HUWE1: variants seen among roughly 807,000 people sequenced by gnomAD.
The protein encoded by HUWE1 is HECT, UBA and WWE domain containing E3 ubiquitin protein ligase 1.
Under a neutral mutation model 299.4 loss-of-function variants are expected in HUWE1, and 18 were observed. The ratio of observed to expected loss-of-function variants is 0.06; its 90% CI spans 0.04 to 0.09. The LOEUF (loss-of-function observed/expected upper bound fraction) is 0.09. HUWE1 is among the 10% of genes least tolerant of loss of function. The pLI is 1.00. For synonymous variants in HUWE1, 1,317 were observed against 1,286.1 expected (o/e 1.02, Z -0.51); for missense variants, 1,832 against 3,462.3 (o/e 0.53, Z 11.82).
intron 63 of HUWE1, among the ~76,000 whole-genome samples, chrX:53,551,788 C>T (rs1404280588): frequency 1.8e-5 from 2 of 111,796 alleles, no homozygotes; most frequent in African/African-American, 3.3e-5. Flanking sequence ...TTCAGGATTA[C>T]AGGCACGAGC....
Position 53,548,054 on chromosome X carries a change from C to A in HUWE1, c.10255G>T (p.Gly3419Trp), listed in dbSNP as rs1556924813. 1.7e-6 allele frequency: 2 copies of A among 1,210,068 alleles called. No individual in the cohort carries two copies. Among genetic ancestry groups the A allele is most frequent in the East Asian group, 3.0e-5 (1 of 33,779 alleles). ...TCGAGGCTGTATGGAGAGGTTTCCC[C>A]CTCACCGCCAGCGCTCACTGGCACT... ...KSVPVSAGGE[G>W]ETSPYSLEAS... The change falls in exon 68 of 84, where the codon GGG becomes TGG. Residue 3419 changes from glycine (G) to tryptophan (W), a missense_variant. Gly to Trp is a radical substitution (Grantham distance 184, BLOSUM62 -2). Around this residue, in one of 15 missense-constraint regions of HUWE1, gnomAD observed 119 missense variants for 124.6 expected, o/e 0.96. Transcript: ENST00000262854.
At chrX:53,626,659 T>C (rs1333482875) in intron 17 of HUWE1, among the ~76,000 whole-genome samples, 4 of 111,829 alleles carry the variant, frequency 3.6e-5, no homozygotes, top group African/African-American at 9.8e-5. Context: ...TAACTGAGTA[T>C]AAGATACACA....
intron 4 of HUWE1, among the ~76,000 whole-genome samples, 167 bp downstream of exon 4, chrX:53,653,896 C>T (rs977179831): frequency 4.5e-4 from 50 of 111,705 alleles, no homozygotes; most frequent in Middle Eastern, 9.1e-3. Flanking sequence ...TTTTTTTGAT[C>T]CAGGGAAGTT....
chrX:53,584,656 A>G (rs1194250606), intron 40 of HUWE1, among the ~76,000 whole-genome samples: 1 of 111,804 alleles, frequency 8.9e-6, no homozygotes, highest in Non-Finnish European at 1.9e-5. Flanking sequence ...CCAAGGTCTA[A>G]TCAATGACCT....
rs2068627108 is a variant in HUWE1, at chrX:53,653,986, A to C, written c.45+77T>G. 6 of 692,995 alleles carry C rather than the reference A, an allele frequency of 8.7e-6. No homozygotes were observed. The Admixed American group carries it at 1.6e-4, about 18-fold the overall frequency. The allele number at this position is 692,995 out of a possible 1,213,427, so 57.1% of individuals were successfully genotyped here. ...ATATGGGTGATGAGATTTGAAGAGC[A>C]TGGATGAACTGTTCACAAATATTTT... is the stretch of plus-strand genomic sequence containing the variant. On this transcript the variant is annotated intron_variant, in intron 4 of 83. Transcript: ENST00000262854.
intron 2 of HUWE1, chrX:53,684,255 C>G (rs1013639320): frequency 3.1e-5 from 5 of 163,745 alleles, no homozygotes; most frequent in Non-Finnish European, 5.9e-5. Flanking sequence ...CTTAATTCAC[C>G]GCAGGATGCC....
At chrX:53,665,934 T>C (rs1557047364) in intron 3 of HUWE1, among the ~76,000 whole-genome samples, 1 of 111,070 alleles carries the variant, frequency 9.0e-6, no homozygotes, top group Non-Finnish European at 1.9e-5. Flanking sequence ...GAGGATCACT[T>C]GAGGCCAGGA....
intron 26 of HUWE1, 54 bp from the exon 27 acceptor site, chrX:53,603,555 T>A: frequency 1.0e-6 from 1 of 979,346 alleles, no homozygotes; most frequent in Non-Finnish European, 1.4e-6. Context: ...CAATTATACT[T>A]AAAAAAAAAA....
At chrX:53,565,843 GC>G (rs1249853820) in intron 49 of HUWE1, among the ~76,000 whole-genome samples, 1 of 109,327 alleles carries the variant, frequency 9.1e-6, no homozygotes, top group African/African-American at 3.3e-5. Flanking sequence ...TGTTGCTCAT[GC>G]TGATCTCGAA....
Position 53,602,591 on chromosome X carries a change from C to A in HUWE1, c.2944G>T (p.Gly982Cys). The part of the protein sequence containing the change: ...QKLVPKDEKA[G>C]TTQGGKRSDG... ...GATCTTTTTCCGCCCTGGGTCGTACCTGCCTTCTCATCCTTTGGAACCAGT... is the reference window on the plus strand; with the variant it reads ...GATCTTTTTCCGCCCTGGGTCGTACATGCCTTCTCATCCTTTGGAACCAGT... The change falls in exon 28 of 84, where the codon GGT becomes TGT. Residue 982 changes from glycine (G) to cysteine (C), a missense_variant. Gly to Cys is a radical substitution (Grantham distance 159). Transcript: ENST00000262854. 8.4e-7 allele frequency: 1 copy of A among 1,189,011 alleles called. No homozygotes were observed. The highest frequency in any genetic ancestry group is 3.0e-5 in the East Asian group (1 of 33,758).
At chrX:53,598,711 G>A (rs1219972735) in intron 29 of HUWE1, among the ~76,000 whole-genome samples, 1 of 111,677 alleles carries the variant, frequency 9.0e-6, no homozygotes, top group Non-Finnish European at 1.9e-5. Flanking sequence ...TAAGTTTTTG[G>A]GGAGTCAAAC....
rs147602226 is a variant in HUWE1, at chrX:53,559,439, G to A, written c.7830C>T (p.Asn2610=). The A allele has an allele frequency of 8.3e-6, 10 of 1,208,994 alleles. No individual in the cohort carries two copies. Among genetic ancestry groups the A allele is most frequent in the African/African-American group, 3.5e-5 (2 of 57,064 alleles). ...AACGGGCGATGATGTGGACGTCATC[G>A]TTGCCTACCAGGAGGCGGGCCCGAC... The part of the protein sequence containing the change: ...SRGRARLLVG[N]DDVHIIARSD... Residue 2610 remains asparagine, a synonymous_variant, in exon 57 of 84, where the codon AAC becomes AAT. Transcript: ENST00000262854.
chrX:53,547,818 G>T lies in HUWE1; in HGVS notation c.10491C>A (p.Ala3497=). The change falls in exon 68 of 84, where the codon GCC becomes GCA. Residue 3497 remains alanine (A), a synonymous_variant. Coordinates refer to ENST00000262854, the MANE Select transcript of HUWE1 (RefSeq NM_031407.7). The part of the protein sequence containing the change: ...TSTTSTTTTT[A]ASTTPTPPTA... ...TAGGGGGTGTGGGCGTGGTGGAGGC[G>T]GCAGTGGTGGTGGTGGTAGATGTGG... is the stretch of plus-strand genomic sequence containing the variant. 1 of 1,197,900 alleles carries T rather than the reference G, an allele frequency of 8.3e-7. No homozygotes were observed. Among genetic ancestry groups the T allele is most frequent in the Non-Finnish European group, 1.1e-6 (1 of 887,527 alleles).
intron 43 of HUWE1, among the ~76,000 whole-genome samples, chrX:53,579,001 C>T (rs1403917913): frequency 1.6e-5 from 1 of 62,472 alleles, no homozygotes. Context: ...CCCCTCTGCC[C>T]GGCCAGCCGC....
Position 53,549,098 on chromosome X carries a change from T to C in HUWE1, c.9896A>G (p.Asn3299Ser), listed in dbSNP as rs372767068. The C allele has an allele frequency of 1.7e-6, 2 of 1,210,459 alleles. No homozygotes were observed. The highest frequency in any genetic ancestry group is 3.5e-5 in the African/African-American group (2 of 57,332). The change falls in exon 67 of 84, where the codon AAT becomes AGT. Residue 3299 changes from asparagine (N) to serine (S), a missense_variant. Physicochemically the swap from Asn to Ser is conservative, Grantham distance 46. Coordinates refer to ENST00000262854, the MANE Select transcript of HUWE1 (RefSeq NM_031407.7). ...CCCTGAACGCTGGATCTGAAATATA[T>C]TAGTCCTGCAGCCTAGGGCTGCATC... ...SMDAALGCRT[N>S]IFQIQRSGGR... is the part of the protein sequence containing the mutation.
At chrX:53,545,274 G>A in intron 70 of HUWE1, 113 bp from the exon 71 acceptor site, 2 of 750,364 alleles carry the variant, frequency 2.7e-6, no homozygotes, top group Non-Finnish European at 4.0e-6. Flanking sequence ...CAGCTGCAGA[G>A]AACCTAGAGT....
At chrX:53,566,790 C>T (rs782129653) in intron 49 of HUWE1, among the ~76,000 whole-genome samples, 2 of 111,582 alleles carry the variant, frequency 1.8e-5, no homozygotes, top group Non-Finnish European at 3.8e-5. Flanking sequence ...GCAAATATCA[C>T]CCATGTAGTA....
chrX:53,665,880 C>A (rs1052492588), intron 3 of HUWE1, among the ~76,000 whole-genome samples: 8 of 111,473 alleles, frequency 7.2e-5, no homozygotes, highest in Middle Eastern at 4.2e-3. Flanking sequence ...GCCTGTAATC[C>A]CAGCACTTTG....
chrX:53,533,143 G>A lies in HUWE1; in HGVS notation c.*166C>T. 1 of 459,678 alleles carries A rather than the reference G, an allele frequency of 2.2e-6. No homozygotes were observed. The highest frequency in any genetic ancestry group is 3.2e-5 in the South Asian group (1 of 31,074). 37.9% of individuals were successfully genotyped at this position (459,678 alleles called of 1,213,427 possible). On this transcript the variant is annotated 3_prime_UTR_variant, in exon 84 of 84. Coordinates refer to ENST00000262854, the MANE Select transcript of HUWE1 (RefSeq NM_031407.7). ...AGGCGGCGGGGAGAGAATGAGAAGA[G>A]GAACAGGTATGCGCTGGGGAAGATG...
Sources: allele counts gnomAD v4.1 joint callset (sites outside exome capture counted in the v4.1 genomes callset), GRCh38; gene constraint gnomAD v4.1.1; regional missense constraint gnomAD v4.1.1; transcripts MANE v1.5; gene names NCBI Gene and HGNC (gene_info 2026-07-23, HGNC 2026-07-21).